Variants in PRKCH observed in about 807,000 individuals in gnomAD.
PRKCH encodes protein kinase C eta type.
Under a neutral mutation model 82.5 loss-of-function variants are expected in PRKCH, and 28 were observed. The ratio of observed to expected loss-of-function variants is 0.34; its 90% CI spans 0.25 to 0.47. The LOEUF is 0.47. PRKCH is among the 20% of genes least tolerant of loss of function. PRKCH has a pLI of 1.00. For missense variants in PRKCH, 705 were observed against 881.8 expected (o/e 0.80, Z 2.54); for synonymous variants, 322 against 327.4 (o/e 0.98, Z 0.18).
At chr14:61,279,386 T>C (rs993600216) in intron 1 of PRKCH, 2 of 152,116 alleles carry the variant, frequency 1.3e-5, no homozygotes, top group African/African-American at 4.8e-5. Flanking sequence ...CAAATTACTA[T>C]CCGAAAAAGT....
chr14:61,286,796 T>C (rs2045319975), intron 1 of PRKCH, among the ~76,000 whole-genome samples: 1 of 151,706 alleles, frequency 6.6e-6, no homozygotes, highest in African/African-American at 2.4e-5. Flanking sequence ...GAGGGTGAAC[T>C]GTGAGCACAG....
rs562130948 is a variant in PRKCH at position 61,262,003 on chromosome 14, C to T, written c.-19+74335C>T. 1.6e-4 allele frequency among the ~76,000 whole-genome samples: 24 copies of T among 152,068 alleles called. 2 individuals are homozygous for T. In the South Asian group the frequency reaches 2.1e-3, roughly 13 times the overall value. On this transcript the variant is annotated intron_variant, in intron 1 of 3. Transcript: ENST00000555185. Reference sequence around the variant, plus strand: ...TTGGGAGGCCGAGGCGGGCAAATCACGAGGTCAGGAGTTCATGACCAGCCT... The same window carrying T: ...TTGGGAGGCCGAGGCGGGCAAATCATGAGGTCAGGAGTTCATGACCAGCCT...
At chr14:61,251,453 G>T (rs1254729865) in intron 1 of PRKCH, among the ~76,000 whole-genome samples, 4 of 152,324 alleles carry the variant, frequency 2.6e-5, no homozygotes, top group African/African-American at 7.2e-5. Context: ...ATCACGGGAA[G>T]TTTGTCTTTC....
chr14:61,248,136 A>T (rs1026987849), intron 1 of PRKCH, among the ~76,000 whole-genome samples: 2 of 152,122 alleles, frequency 1.3e-5, no homozygotes, highest in Non-Finnish European at 2.9e-5. Context: ...TGACCACATT[A>T]TTTATCACCT....
chr14:61,199,360 T>C (rs2044462322), intron 1 of PRKCH, among the ~76,000 whole-genome samples: 1 of 152,224 alleles, frequency 6.6e-6, no homozygotes, highest in Non-Finnish European at 1.5e-5. Flanking sequence ...CGCCCATGGT[T>C]TCCCAGACAT....
chr14:61,269,797 C>A (rs1221197711), intron 1 of PRKCH, among the ~76,000 whole-genome samples: 1 of 152,206 alleles, frequency 6.6e-6, no homozygotes, highest in Non-Finnish European at 1.5e-5. Flanking sequence ...ATTCTCATTA[C>A]AGATTGGACC....
intron 10 of PRKCH, among the ~76,000 whole-genome samples, chr14:61,516,728 A>G (rs1396622203): frequency 4.0e-4 from 61 of 152,180 alleles, no homozygotes; most frequent in Non-Finnish European, 5.9e-5. Context: ...GTAGGAAATC[A>G]GTAAAATTCC....
intron 1 of PRKCH, among the ~76,000 whole-genome samples, chr14:61,341,773 A>AT (rs2045932490): frequency 6.6e-6 from 1 of 152,072 alleles, no homozygotes; most frequent in South Asian, 2.1e-4. Context: ...TGGGATTTGT[A>AT]TTTTTCCCAT....
chr14:61,550,943 G>T lies in PRKCH; in HGVS notation c.*1112G>T, dbSNP rs1263506926. 1 of 152,200 alleles carries T rather than the reference G, an allele frequency of 6.6e-6. No homozygotes were observed. The highest frequency in any genetic ancestry group is 6.5e-5 in the Admixed American group (1 of 15,280). 9.4% of individuals were successfully genotyped at this position (152,200 alleles called of 1,614,324 possible). A position where few individuals can be genotyped will look rare whatever the true frequency, so the allele number is the denominator to read the frequency against. On this transcript the variant is annotated 3_prime_UTR_variant, in exon 14 of 14. Coordinates refer to ENST00000332981, the MANE Select transcript of PRKCH (RefSeq NM_006255.5). ...CCCGAATATACAGTTCAAGAATTTT[G>T]TCTGACTGGAAATAAATGCATTTTG...
chr14:61,440,935 T>TTTG (rs1883937834), intron 2 of PRKCH, among the ~76,000 whole-genome samples: 1 of 151,320 alleles, frequency 6.6e-6, no homozygotes, highest in South Asian at 2.1e-4. Flanking sequence ...CTTTTTTTTT[T>TTTG]GGAGAGAAAG....
chr14:61,334,313 ACAAG>A (rs2045826086), intron 1 of PRKCH, among the ~76,000 whole-genome samples: 1 of 152,164 alleles, frequency 6.6e-6, no homozygotes, highest in South Asian at 2.1e-4. Context: ...GAGGTGGATA[ACAAG>A]CAGGCAAACG....
chr14:61,207,592 C>G (rs1261026459), intron 1 of PRKCH, among the ~76,000 whole-genome samples: 1 of 152,132 alleles, frequency 6.6e-6, no homozygotes, highest in African/African-American at 2.4e-5. Flanking sequence ...ACATAAACCT[C>G]TCTTTTAACA....
chr14:61,318,586 C>T (rs2045582882), upstream of PRKCH, among the ~76,000 whole-genome samples: 1 of 151,790 alleles, frequency 6.6e-6, no homozygotes, highest in African/African-American at 2.4e-5. Flanking sequence ...TCCTTGATAC[C>T]GTCCTCTTCC....
At chr14:61,469,133 T>A (rs147225563) in intron 9 of PRKCH, among the ~76,000 whole-genome samples, 11 of 152,330 alleles carry the variant, frequency 7.2e-5, no homozygotes, top group East Asian at 5.8e-4. Flanking sequence ...TTGGAGGTCT[T>A]GCTATGTTGC....
intron 4 of PRKCH, among the ~76,000 whole-genome samples, chr14:61,446,946 G>C (rs1884253898): frequency 6.6e-6 from 1 of 152,220 alleles, no homozygotes; most frequent in Non-Finnish European, 1.5e-5. Context: ...TTGATGGCCT[G>C]ATTTTCAGTG....
chr14:61,421,052 C>T (rs568574689), intron 2 of PRKCH, among the ~76,000 whole-genome samples: 1 of 151,656 alleles, frequency 6.6e-6, no homozygotes, highest in African/African-American at 2.4e-5. Context: ...AACAGAGCCT[C>T]AACACAGGTT....
At chr14:61,463,709 AT>A (rs1885129902) in intron 9 of PRKCH, among the ~76,000 whole-genome samples, 1 of 151,494 alleles carries the variant, frequency 6.6e-6, no homozygotes, top group Non-Finnish European at 1.5e-5. Flanking sequence ...TTGTTTATAT[AT>A]ATTTTTTTGG....
At chr14:61,339,251 T>G (rs1360489024) in intron 1 of PRKCH, among the ~76,000 whole-genome samples, 1 of 151,866 alleles carries the variant, frequency 6.6e-6, no homozygotes, top group African/African-American at 2.4e-5. Context: ...CCCTCTGTGT[T>G]CTCCCTGGGC....
chr14:61,190,255 C>T (rs1206277122), intron 1 of PRKCH, among the ~76,000 whole-genome samples: 1 of 152,196 alleles, frequency 6.6e-6, no homozygotes, highest in Non-Finnish European at 1.5e-5. Flanking sequence ...CCTCTGCCCC[C>T]AACCCTTTAA....
Sources: allele counts gnomAD v4.1 joint callset (sites outside exome capture counted in the v4.1 genomes callset), GRCh38; gene constraint gnomAD v4.1.1; transcripts MANE v1.5; gene names NCBI Gene and HGNC (gene_info 2026-07-23, HGNC 2026-07-21).